ATP6V0A2: variants seen among roughly 807,000 people sequenced by gnomAD.
ATP6V0A2 encodes ATPase H+ transporting V0 subunit a2, also known as V-type proton ATPase 116 kDa subunit a 2.
A neutral mutation model predicts 104.4 loss-of-function variants in ATP6V0A2; 58 were observed. That is an observed-to-expected ratio of 0.56 (90% confidence interval 0.45 to 0.69). ATP6V0A2 has a LOEUF of 0.69. Among genes scored for constraint, ATP6V0A2 ranks in the 30% least tolerant of loss-of-function variants. ATP6V0A2 has a pLI of 0.00. For missense variants in ATP6V0A2, 938 were observed against 1,062.9 expected (o/e 0.88, Z 1.63); for synonymous variants, 376 against 397.9 (o/e 0.95, Z 0.65).
intron 5 of ATP6V0A2, among the ~76,000 whole-genome samples, chr12:123,726,526 C>T (rs1008298894): frequency 6.6e-6 from 1 of 152,206 alleles, no homozygotes; most frequent in Non-Finnish European, 1.5e-5. Flanking sequence ...AAAGAAACAA[C>T]ATTTACGTGA....
rs761005641 is a variant in ATP6V0A2 at position 123,737,169 on chromosome 12, G to T, written c.936G>T (p.Leu312=). The T allele has an allele frequency of 7.4e-6, 12 of 1,614,162 alleles. No homozygotes were observed. Among genetic ancestry groups the T allele is most frequent in the Non-Finnish European group, 1.0e-5 (12 of 1,180,026 alleles). ...VKKMKAIYHM[L]NMCSFDVTNK... Reference sequence around the variant, plus strand: ...AAATGAAGGCCATCTATCACATGCTGAACATGTGCAGCTTTGACGTGACCA... The same window carrying T: ...AAATGAAGGCCATCTATCACATGCTTAACATGTGCAGCTTTGACGTGACCA... The change falls in exon 9 of 20, where the codon CTG becomes CTT. Residue 312 remains leucine, a synonymous_variant. Coordinates refer to ENST00000330342, the MANE Select transcript of ATP6V0A2 (RefSeq NM_012463.4).
intron 18 of ATP6V0A2, among the ~76,000 whole-genome samples, chr12:123,755,535 C>CAA (rs757366819): frequency 3.7e-5 from 2 of 53,408 alleles, no homozygotes; most frequent in African/African-American, 7.0e-5. Context: ...GACTCTGTCT[C>CAA]AAAAAAAAAA....
intron 5 of ATP6V0A2, among the ~76,000 whole-genome samples, chr12:123,727,257 G>A (rs1306289109): frequency 6.6e-6 from 1 of 151,562 alleles, no homozygotes; most frequent in African/African-American, 2.4e-5. Flanking sequence ...CAGCTGTGAG[G>A]TCCTGTTTTC....
intron 9 of ATP6V0A2, among the ~76,000 whole-genome samples, chr12:123,741,019 A>C (rs749544033): frequency 6.6e-6 from 1 of 151,624 alleles, no homozygotes; most frequent in Non-Finnish European, 1.5e-5. Flanking sequence ...TTTTGTGGAC[A>C]TTCTTTCTGG....
intron 6 of ATP6V0A2, among the ~76,000 whole-genome samples, chr12:123,728,328 C>T (rs2071470245): frequency 6.6e-6 from 1 of 151,566 alleles, no homozygotes; most frequent in Admixed American, 6.6e-5. Flanking sequence ...CTCAAGCAAT[C>T]CTCCCACGTA....
At chr12:123,753,605 C>T (rs554987999) in intron 17 of ATP6V0A2, among the ~76,000 whole-genome samples, 1 of 152,356 alleles carries the variant, frequency 6.6e-6, no homozygotes, top group South Asian at 2.1e-4. Context: ...TCTTCAAATA[C>T]AGTCACATTG....
chr12:123,722,330 G>A, intron 2 of ATP6V0A2, 21 bp from the exon 3 acceptor site: 2 of 1,397,028 alleles, frequency 1.4e-6, no homozygotes, highest in Non-Finnish European at 2.0e-6. Flanking sequence ...GTATCTAATT[G>A]TTTAACTTTT....
At chr12:123,751,274 C>T (rs1471384878) in intron 16 of ATP6V0A2, 45 bp downstream of exon 16, 2 of 1,613,722 alleles carry the variant, frequency 1.2e-6, no homozygotes, top group African/African-American at 2.7e-5. Context: ...GCAAAGCTTG[C>T]TTTCGGTTAT....
chr12:123,737,518 G>C (rs1390162214), intron 9 of ATP6V0A2: 3 of 472,746 alleles, frequency 6.3e-6, no homozygotes, highest in Non-Finnish European at 1.2e-5. Context: ...CAAAGTGCTG[G>C]GATTACAGGT....
At chr12:123,757,110 C>T in intron 19 of ATP6V0A2, 124 bp downstream of exon 19, 3 of 1,103,260 alleles carry the variant, frequency 2.7e-6, no homozygotes, top group South Asian at 1.3e-5. Flanking sequence ...CAGTTCTTCC[C>T]TTCCCTTGGG....
intron 1 of ATP6V0A2, among the ~76,000 whole-genome samples, chr12:123,714,459 G>A (rs66471742): frequency 0.36 from 54,528 of 151,994 alleles, 10,265 homozygotes; most frequent in African/African-American, 0.41. Context: ...GGTGACTTCC[G>A]TGGTGACAGC....
At position 123,740,248 on chromosome 12, in the gene ATP6V0A2, G is replaced by A. The variant is rs914279304; in HGVS notation, c.1038+2977G>A. Among the ~76,000 whole-genome samples, 16 of 149,070 alleles carry A rather than the reference G, an allele frequency of 1.1e-4. No homozygotes were observed. In the East Asian group the frequency reaches 2.6e-3, roughly 24 times the overall value. ...GATAGAGTCTGGCTCTTTCGCCCAC[G>A]CTGGAGTACAGTGGCATGATACTGG... On this transcript the variant is annotated intron_variant, in intron 9 of 19. Transcript: ENST00000330342.
intron 2 of ATP6V0A2, chr12:123,721,620 G>A (rs771224961): frequency 1.9e-5 from 4 of 213,934 alleles, no homozygotes; most frequent in African/African-American, 4.6e-5. Flanking sequence ...CATTTTCCCA[G>A]GTTTCATGAA....
At chr12:123,757,036 C>T in intron 19 of ATP6V0A2, 50 bp downstream of exon 19, 1 of 1,591,960 alleles carries the variant, frequency 6.3e-7, no homozygotes, top group Non-Finnish European at 8.6e-7. Flanking sequence ...ACATACCCGC[C>T]CCCCCACTGC....
At chr12:123,747,524 C>T in intron 13 of ATP6V0A2, 83 bp from the exon 14 acceptor site, 1 of 909,280 alleles carries the variant, frequency 1.1e-6, no homozygotes, top group East Asian at 2.4e-5. Flanking sequence ...AGCCACCTTT[C>T]AAGTTAAGAC....
chr12:123,717,446 CTT>C (rs58386561), intron 1 of ATP6V0A2, among the ~76,000 whole-genome samples: 1,542 of 140,874 alleles, frequency 0.011, 23 homozygotes, highest in Admixed American at 0.047. Flanking sequence ...TTCTTTCTTT[CTT>C]TTTTTTTTTT....
At chr12:123,750,530 G>A (rs564146070) in intron 15 of ATP6V0A2, 52 of 185,676 alleles carry the variant, frequency 2.8e-4, no homozygotes, top group South Asian at 2.0e-3. Context: ...ACAGTGTCCC[G>A]TCCAAACCCT....
At chr12:123,730,855 C>T (rs1417626401) in intron 6 of ATP6V0A2, 2 of 152,172 alleles carry the variant, frequency 1.3e-5, no homozygotes, top group Non-Finnish European at 2.9e-5. Context: ...TACAGGTGCA[C>T]ACCACCACTC....
At chr12:123,723,812 ACT>A (rs1956423207) in intron 3 of ATP6V0A2, 1 of 152,192 alleles carries the variant, frequency 6.6e-6, no homozygotes, top group African/African-American at 2.4e-5. Context: ...GTGCATAGTA[ACT>A]CATATGCTAG....
Sources: allele counts gnomAD v4.1 joint callset (sites outside exome capture counted in the v4.1 genomes callset), GRCh38; gene constraint gnomAD v4.1.1; transcripts MANE v1.5; gene names NCBI Gene and HGNC (gene_info 2026-07-23, HGNC 2026-07-21).